The following FBN2 variants were observed in gnomAD, a reference collection of about 807,000 sequenced individuals.
FBN2 encodes fibrillin-2.
In FBN2, 105 loss-of-function variants were observed where a neutral mutation model predicts 355.6. That is an observed-to-expected ratio of 0.30 (90% CI 0.25 to 0.35). The LOEUF (loss-of-function observed/expected upper bound fraction) is 0.35. FBN2 is among the 10% of genes least tolerant of loss of function. The probability of loss-of-function intolerance (pLI) is 1.00; values close to 1 mark genes in which losing one functional copy is unlikely to be tolerated. For missense variants in FBN2, 3,280 were observed against 3,758.7 expected (o/e 0.87, Z 3.33); for synonymous variants, 1,350 against 1,301.2 (o/e 1.04, Z -0.81).
chr5:128,450,145 G>C (rs1754199510), intron 6 of FBN2, among the ~76,000 whole-genome samples: 3 of 152,000 alleles, frequency 2.0e-5, no homozygotes, highest in African/African-American at 4.8e-5. Context: ...AAAATCATCA[G>C]GGATATATTA....
intron 8 of FBN2, among the ~76,000 whole-genome samples, chr5:128,405,940 CAG>C (rs1415855927): frequency 2.0e-5 from 3 of 152,188 alleles, no homozygotes; most frequent in African/African-American, 7.2e-5. Context: ...ACCCAGACAA[CAG>C]TGTTCAATGA....
chr5:128,358,256 A>G (rs888015870), intron 19 of FBN2, among the ~76,000 whole-genome samples: 1 of 152,134 alleles, frequency 6.6e-6, no homozygotes, highest in Non-Finnish European at 1.5e-5. Context: ...AGACATTTTC[A>G]GTATAAATTC....
At chr5:128,448,690 A>T (rs1754141900) in intron 6 of FBN2, among the ~76,000 whole-genome samples, 1 of 152,190 alleles carries the variant, frequency 6.6e-6, no homozygotes, top group Non-Finnish European at 1.5e-5. Flanking sequence ...AATATTATAA[A>T]TACCCTAATA....
chr5:128,505,064 A>G (rs1755919634), intron 5 of FBN2, among the ~76,000 whole-genome samples: 1 of 152,164 alleles, frequency 6.6e-6, no homozygotes, highest in Admixed American at 6.5e-5. Flanking sequence ...TCCTGCCGCC[A>G]TTTAAGATGT....
intron 6 of FBN2, among the ~76,000 whole-genome samples, chr5:128,456,585 C>G (rs1364630194): frequency 6.6e-6 from 1 of 152,122 alleles, no homozygotes; most frequent in African/African-American, 2.4e-5. Context: ...CCAGAAGGAG[C>G]AGGCACCCAT....
intron 21 of FBN2, 137 bp downstream of exon 21, chr5:128,350,731 G>A (rs1751330445): frequency 2.0e-6 from 2 of 980,686 alleles, no homozygotes; most frequent in East Asian, 2.5e-5. Flanking sequence ...AAAAACATTA[G>A]CCAGGAAAGA....
intron 7 of FBN2, among the ~76,000 whole-genome samples, chr5:128,424,241 AG>A (rs1207998894): frequency 6.6e-6 from 1 of 152,180 alleles, no homozygotes; most frequent in African/African-American, 2.4e-5. Context: ...GGGATGTTTC[AG>A]TAAGATAAAA....
chr5:128,458,955 G>T (rs747390689), intron 6 of FBN2, among the ~76,000 whole-genome samples: 1 of 151,052 alleles, frequency 6.6e-6, no homozygotes, highest in Non-Finnish European at 1.5e-5. Flanking sequence ...GATCAGAGAA[G>T]AATTGAAGGA....
At chr5:128,520,546 A>G (rs1182091726) in intron 4 of FBN2, among the ~76,000 whole-genome samples, 1 of 152,196 alleles carries the variant, frequency 6.6e-6, no homozygotes, top group Non-Finnish European at 1.5e-5. Flanking sequence ...CTCAATAAGT[A>G]TACTGATATC....
intron 6 of FBN2, among the ~76,000 whole-genome samples, chr5:128,448,486 T>C (rs1754135990): frequency 6.6e-6 from 1 of 151,978 alleles, no homozygotes; most frequent in South Asian, 2.1e-4. Flanking sequence ...TTTGTATTTT[T>C]AGTAGAGATG....
intron 7 of FBN2, among the ~76,000 whole-genome samples, chr5:128,419,695 ATT>A (rs950822195): frequency 6.6e-6 from 1 of 151,830 alleles, no homozygotes; most frequent in Non-Finnish European, 1.5e-5. Flanking sequence ...CTGATGTATA[ATT>A]TTTTTTGTTT....
At chr5:128,351,224 GAA>G (rs5871304) in intron 20 of FBN2, among the ~76,000 whole-genome samples, 291 of 142,854 alleles carry the variant, frequency 2.0e-3, no homozygotes, top group Middle Eastern at 3.5e-3. Flanking sequence ...TCCACCAGAG[GAA>G]AAAAAAAAAA....
chr5:128,436,579 C>T (rs1006229530), intron 7 of FBN2, among the ~76,000 whole-genome samples: 3 of 148,660 alleles, frequency 2.0e-5, no homozygotes, highest in Middle Eastern at 3.5e-3. Context: ...GATAGGAAAA[C>T]GGTAACCCTA....
At chr5:128,424,217 A>G (rs1170480417) in intron 7 of FBN2, among the ~76,000 whole-genome samples, 1 of 152,144 alleles carries the variant, frequency 6.6e-6, no homozygotes, top group Non-Finnish European at 1.5e-5. Flanking sequence ...CTGCTTATAG[A>G]TGATTGTTCC....
chr5:128,368,843 A>ATT (rs78265398), intron 16 of FBN2, among the ~76,000 whole-genome samples: 11,231 of 139,130 alleles, frequency 0.081, 471 homozygotes, highest in Non-Finnish European at 0.099. Context: ...GCTAATTAAG[A>ATT]TTTTTTTTTT....
intron 2 of FBN2, among the ~76,000 whole-genome samples, chr5:128,532,085 G>C (rs957468804): frequency 1.3e-5 from 2 of 152,116 alleles, no homozygotes; most frequent in African/African-American, 4.8e-5. Flanking sequence ...CTGAACCAGA[G>C]GCTCCAGTTC....
chr5:128,486,176 A>G (rs1755332958), intron 5 of FBN2, among the ~76,000 whole-genome samples: 1 of 152,142 alleles, frequency 6.6e-6, no homozygotes, highest in Non-Finnish European at 1.5e-5. Flanking sequence ...TCTTCTTAGT[A>G]CTATCATAAA....
At chr5:128,306,041 G>A in intron 42 of FBN2, 93 bp from the exon 43 acceptor site, 1 of 1,275,428 alleles carries the variant, frequency 7.8e-7, no homozygotes, top group Admixed American at 1.7e-5. Context: ...CCTGGGATGA[G>A]TACAAATATT....
chr5:128,270,612 C>T (rs753331945), intron 62 of FBN2, among the ~76,000 whole-genome samples: 64 of 152,112 alleles, frequency 4.2e-4, no homozygotes, highest in Non-Finnish European at 7.4e-4. Flanking sequence ...ATGACGAAAA[C>T]GTCAAAAGAA....
Sources: gnomAD v4.1 joint callset for allele counts (sites outside exome capture counted in the v4.1 genomes callset) on GRCh38, gnomAD v4.1.1 for gene constraint, MANE v1.5 for transcripts, NCBI Gene and HGNC (gene_info 2026-07-23, HGNC 2026-07-21) for gene names.